Variants in KLRG1 observed in about 807,000 individuals in gnomAD.
KLRG1 encodes killer cell lectin like receptor G1, also known as killer cell lectin-like receptor subfamily G member 1.
In KLRG1, 16 loss-of-function variants were observed where a neutral mutation model predicts 21.8. That is an observed-to-expected ratio of 0.73 (90% CI 0.50 to 1.11). The LOEUF (loss-of-function observed/expected upper bound fraction) is 1.11. Among genes scored for constraint, KLRG1 ranks in the 50% most tolerant of loss-of-function variants. The pLI, the probability that KLRG1 is intolerant of heterozygous loss-of-function variation, is 0.00. For synonymous variants in KLRG1, 69 were observed against 75.9 expected, an observed-to-expected ratio of 0.91 and a Z score of 0.47; for missense variants, 173 against 218.3, an observed-to-expected ratio of 0.79 and a Z score of 1.31.
chr12:8,991,576 T>C (rs918700682), intron 1 of KLRG1, among the ~76,000 whole-genome samples: 1 of 152,212 alleles, frequency 6.6e-6, no homozygotes, highest in African/African-American at 2.4e-5. Flanking sequence ...TTGAGTGTGC[T>C]TGCAGAGATA....
chr12:9,022,713 A>G, the KLRG1 span, among the ~76,000 whole-genome samples: 1 of 152,194 alleles, frequency 6.6e-6, no homozygotes, highest in African/African-American at 2.4e-5. Flanking sequence ...GATGTAATCA[A>G]TTATGCCTCT....
chr12:9,153,003 C>T, the KLRG1 span: 1 of 1,612,622 alleles, frequency 6.2e-7, no homozygotes. Flanking sequence ...GGACCCCTCA[C>T]TTCCTCATTA....
the KLRG1 span, among the ~76,000 whole-genome samples, chr12:9,108,148 T>C: frequency 3.3e-5 from 5 of 150,136 alleles, no homozygotes; most frequent in Non-Finnish European, 7.4e-5. Context: ...ATTTTTGAGA[T>C]GGAGTCTCGC....
the KLRG1 span, chr12:9,116,017 A>G: frequency 1.5e-6 from 1 of 674,520 alleles, no homozygotes; most frequent in East Asian, 2.9e-5. Flanking sequence ...GTCTCTGAAC[A>G]TTCTCTGGAA....
At chr12:9,181,219 T>G in the KLRG1 span, 1 of 1,536,536 alleles carries the variant, frequency 6.5e-7, no homozygotes, top group Non-Finnish European at 8.9e-7. Flanking sequence ...CACCCTTATA[T>G]TCAGTTCATA....
intron 1 of KLRG1, among the ~76,000 whole-genome samples, chr12:8,990,756 A>G (rs760607646): frequency 6.6e-6 from 1 of 152,180 alleles, no homozygotes; most frequent in Non-Finnish European, 1.5e-5. Context: ...ATATACTTAA[A>G]GTAAATTTTA....
the KLRG1 span, chr12:9,194,091 T>C: frequency 4.3e-6 from 7 of 1,613,510 alleles, no homozygotes; most frequent in Non-Finnish European, 5.9e-6. Context: ...ACAAAAAGTT[T>C]ATTAACCGAG....
At chr12:9,146,233 C>T in the KLRG1 span, among the ~76,000 whole-genome samples, 1 of 151,342 alleles carries the variant, frequency 6.6e-6, no homozygotes, top group Non-Finnish European at 1.5e-5. Flanking sequence ...CTTTTTTTCT[C>T]TTCTGACTGA....
At chr12:9,034,737 G>A in the KLRG1 span, among the ~76,000 whole-genome samples, 39 of 152,280 alleles carry the variant, frequency 2.6e-4, 1 homozygote, top group Admixed American at 3.3e-4. Flanking sequence ...GTGAGGCACC[G>A]TGCCTGGCCA....
chr12:9,024,386 C>G, the KLRG1 span, among the ~76,000 whole-genome samples: 1 of 152,074 alleles, frequency 6.6e-6, no homozygotes, highest in Non-Finnish European at 1.5e-5. Context: ...TCTATCCTGT[C>G]ACTTCTACCC....
At chr12:8,974,957 GTGAT>G (rs1946634030) in intron 1 of KLRG1, among the ~76,000 whole-genome samples, 3 of 151,656 alleles carry the variant, frequency 2.0e-5, no homozygotes, top group African/African-American at 2.4e-5. Flanking sequence ...GTGCAGTGGT[GTGAT>G]CTAGGCTCAC....
the KLRG1 span, chr12:9,152,196 C>T: frequency 1.4e-6 from 2 of 1,480,394 alleles, no homozygotes; most frequent in East Asian, 4.5e-5. Context: ...TGTATGAAGT[C>T]TATTAGGATT....
chr12:9,125,762 T>C, the KLRG1 span, among the ~76,000 whole-genome samples: 1 of 152,236 alleles, frequency 6.6e-6, no homozygotes, highest in East Asian at 1.9e-4. Context: ...TGAGATGGAA[T>C]CTTGCTCTAA....
At chr12:8,988,492 GT>G (rs1946882550), upstream of KLRG1, 2 of 152,130 alleles carry the variant, frequency 1.3e-5, no homozygotes, top group Admixed American at 1.3e-4. Flanking sequence ...AGCACTCCCT[GT>G]TTCTCTTCTT....
At chr12:9,127,627 C>T in the KLRG1 span, among the ~76,000 whole-genome samples, 1 of 152,134 alleles carries the variant, frequency 6.6e-6, no homozygotes, top group Non-Finnish European at 1.5e-5. Flanking sequence ...GCCCAGCATC[C>T]ACTGGGGCTC....
At chr12:9,000,090 A>C (rs764333286) in intron 3 of KLRG1, among the ~76,000 whole-genome samples, 1 of 152,192 alleles carries the variant, frequency 6.6e-6, no homozygotes, top group Non-Finnish European at 1.5e-5. Context: ...AATAACTTTT[A>C]CTTTGCTCTT....
chr12:9,074,024 G>A, the KLRG1 span, among the ~76,000 whole-genome samples: 1 of 150,632 alleles, frequency 6.6e-6, no homozygotes, highest in African/African-American at 2.5e-5. Context: ...GGAGATGGAG[G>A]TTGCAGTGAG....
the KLRG1 span, chr12:9,196,332 G>A: frequency 6.2e-7 from 1 of 1,600,620 alleles, no homozygotes; most frequent in East Asian, 2.2e-5. Flanking sequence ...TATCTTACCT[G>A]TGCAAAAAAG....
intron 1 of KLRG1, among the ~76,000 whole-genome samples, chr12:8,984,516 A>G (rs748086147): frequency 4.6e-5 from 7 of 152,140 alleles, no homozygotes; most frequent in Admixed American, 1.3e-4. Context: ...CGCCTCCCAA[A>G]ATGCTGGATT....
Sources: gnomAD v4.1 joint callset for allele counts (sites outside exome capture counted in the v4.1 genomes callset) on GRCh38, gnomAD v4.1.1 for gene constraint, MANE v1.5 for transcripts, NCBI Gene and HGNC (gene_info 2026-07-23, HGNC 2026-07-21) for gene names.